SWT1: variants seen among roughly 807,000 people sequenced by gnomAD.
SWT1 encodes the protein SWT1 RNA endoribonuclease homolog.
SWT1 carries 33 observed loss-of-function variants against 107.3 expected under a neutral mutation model. The observed-to-expected ratio is 0.31, with a 90% confidence interval of 0.23 to 0.41. The LOEUF is 0.41. Ranked by LOEUF, SWT1 falls within the 10% of genes least tolerant of loss-of-function variation. SWT1 has a pLI of 1.00. For synonymous variants in SWT1, 345 were observed against 348.3 expected (o/e 0.99, Z 0.11); for missense variants, 898 against 1,028.9 (o/e 0.87, Z 1.74).
intron 16 of SWT1, among the ~76,000 whole-genome samples, chr1:185,250,076 C>T (rs957650761): frequency 6.6e-6 from 1 of 152,134 alleles, no homozygotes; most frequent in Non-Finnish European, 1.5e-5. Flanking sequence ...GATAAACCAC[C>T]CTCTCACCTT....
chr1:185,199,500 C>A (rs1018775268), intron 10 of SWT1, among the ~76,000 whole-genome samples: 2 of 152,080 alleles, frequency 1.3e-5, no homozygotes, highest in African/African-American at 4.8e-5. Flanking sequence ...TTTCTCCTTC[C>A]CTTATGAAGC....
At chr1:185,261,513 T>C (rs767427951) in intron 16 of SWT1, among the ~76,000 whole-genome samples, 1 of 152,152 alleles carries the variant, frequency 6.6e-6, no homozygotes, top group Non-Finnish European at 1.5e-5. Context: ...TTTAGGTGTA[T>C]AGCCAGAAGT....
Position 185,175,278 on chromosome 1 carries a change from A to G in SWT1, c.966+165A>G, listed in dbSNP as rs1170405222. 2.0e-5 allele frequency among the ~76,000 whole-genome samples: 3 copies of G among 149,162 alleles called. No homozygotes were observed. In the Admixed American group the frequency reaches 2.0e-4, roughly 10 times the overall value. ...CACTCCGTTGCCCAAGCTGGAGTGC[A>G]TGCAGTGGCACGATCCTGGCTCACT... On this transcript the variant is annotated intron_variant, in intron 5 of 18. Coordinates refer to ENST00000367500, the MANE Select transcript of SWT1 (RefSeq NM_017673.7).
chr1:185,219,661 T>C (rs6660169), intron 14 of SWT1, among the ~76,000 whole-genome samples: 67,214 of 151,836 alleles, frequency 0.44, 16,308 homozygotes, highest in African/African-American at 0.65. Flanking sequence ...TACATTCTGT[T>C]AGGTACTTTT....
rs1318039871 is a variant in SWT1, at chr1:185,174,985, A to C, written c.838A>C (p.Thr280Pro). The C allele has an allele frequency of 8.1e-6, 13 of 1,613,998 alleles. No individual in the cohort carries two copies. The highest frequency in any genetic ancestry group is 1.1e-5 in the Non-Finnish European group (13 of 1,179,992). The change falls in exon 5 of 19, where the codon ACT becomes CCT. Residue 280 changes from threonine to proline, a missense_variant. Transcript: ENST00000367500. ...AAGCTCCCAGGTTTCATTAAATGTG[A>C]CTAGGCAGAAAACTGAACATTTACT... Reference protein sequence around the residue: ...LESSQVSLNVTRQKTEHLLSD... With the variant: ...LESSQVSLNVPRQKTEHLLSD...
chr1:185,191,238 C>T (rs376871970), intron 10 of SWT1, among the ~76,000 whole-genome samples: 1 of 152,156 alleles, frequency 6.6e-6, no homozygotes, highest in Admixed American at 6.6e-5. Flanking sequence ...TTTTCTCCCT[C>T]CTTCTCCCTT....
intron 17 of SWT1, among the ~76,000 whole-genome samples, chr1:185,276,186 G>A (rs1664227058): frequency 6.6e-6 from 1 of 151,974 alleles, no homozygotes; most frequent in Non-Finnish European, 1.5e-5. Context: ...TTATATCTCT[G>A]ATATAGATAT....
intron 17 of SWT1, among the ~76,000 whole-genome samples, chr1:185,273,261 T>C (rs1194936620): frequency 6.6e-6 from 1 of 151,742 alleles, no homozygotes; most frequent in Non-Finnish European, 1.5e-5. Context: ...AAAAATTAGC[T>C]AGGAGTGGTG....
chr1:185,180,359 A>T (rs1488361504), intron 5 of SWT1, 32 bp from the exon 6 acceptor site: 3 of 1,571,900 alleles, frequency 1.9e-6, no homozygotes, highest in East Asian at 4.5e-5. Context: ...GTTATGCTTT[A>T]TTCTTAGCTA....
intron 16 of SWT1, among the ~76,000 whole-genome samples, chr1:185,257,225 T>C (rs956935223): frequency 2.0e-5 from 3 of 152,114 alleles, no homozygotes; most frequent in Admixed American, 2.0e-4. Context: ...AGGTTACTGC[T>C]GTCTTTTTGT....
intron 16 of SWT1, among the ~76,000 whole-genome samples, chr1:185,235,047 T>C (rs1336587410): frequency 6.6e-6 from 1 of 152,032 alleles, no homozygotes; most frequent in Non-Finnish European, 1.5e-5. Flanking sequence ...CAGTAACAAG[T>C]TCTGAAATTG....
chr1:185,180,403 C>T lies in SWT1; in HGVS notation c.979C>T (p.Pro327Ser), dbSNP rs761248675. ...RENLTQSFEAPCCSVSSESIQ... is the reference protein window; with the variant it reads ...RENLTQSFEASCCSVSSESIQ... ...ACTTTCATTTCAGAGTTTTGAAGCA[C>T]CATGTTGTTCCGTGTCATCTGAAAG... Residue 327 changes from proline to serine, a missense_variant, in exon 6 of 19, where the codon CCA (proline) becomes TCA (serine). Transcript: ENST00000367500. 1.2e-6 allele frequency: 2 copies of T among 1,612,992 alleles called. No homozygotes were observed. Among genetic ancestry groups the T allele is most frequent in the South Asian group, 2.2e-5 (2 of 91,058 alleles).
chr1:185,163,145 A>G (rs531843512), intron 2 of SWT1, among the ~76,000 whole-genome samples: 4 of 152,150 alleles, frequency 2.6e-5, no homozygotes, highest in Non-Finnish European at 2.9e-5. Flanking sequence ...TAAGACAGCA[A>G]TGAAGTTTGC....
At chr1:185,259,767 A>G (rs977197484) in intron 16 of SWT1, among the ~76,000 whole-genome samples, 7 of 152,122 alleles carry the variant, frequency 4.6e-5, no homozygotes, top group Admixed American at 3.9e-4. Context: ...GAATCCCTTT[A>G]TCTGTTTAGA....
At chr1:185,226,983 A>G in intron 15 of SWT1, 1 of 867,614 alleles carries the variant, frequency 1.2e-6, no homozygotes, top group Non-Finnish European at 1.9e-6. Flanking sequence ...TTTCTTACAC[A>G]TCTCCTCCAT....
chr1:185,157,070 T>G (rs1355501856), upstream of SWT1: 4 of 264,932 alleles, frequency 1.5e-5, no homozygotes, highest in Non-Finnish European at 2.9e-5. Flanking sequence ...GAACAAAGAC[T>G]ACAGCACCCA....
Position 185,284,421 on chromosome 1 carries a change from G to A in SWT1, c.2574-6253G>A, listed in dbSNP as rs1282866603. ...GGCTTTATCTGACAAACTCAATGGCGGAAGCTGCTTTCCCCATACCTAAGG... is the reference window on the plus strand; with the variant it reads ...GGCTTTATCTGACAAACTCAATGGCAGAAGCTGCTTTCCCCATACCTAAGG... On this transcript the variant is annotated intron_variant, in intron 18 of 18. Transcript: ENST00000367500. Among the ~76,000 whole-genome samples the A allele has an allele frequency of 2.6e-5, 4 of 152,302 alleles. No individual in the cohort carries two copies. The South Asian group carries it at 6.2e-4, about 24-fold the overall frequency.
chr1:185,225,444 T>C (rs1659975758), intron 15 of SWT1, among the ~76,000 whole-genome samples: 2 of 152,196 alleles, frequency 1.3e-5, no homozygotes, highest in South Asian at 4.1e-4. Flanking sequence ...TTGCAAGTAT[T>C]CCTGCTTCTT....
At chr1:185,255,726 CTT>C (rs1042077770) in intron 16 of SWT1, among the ~76,000 whole-genome samples, 6 of 145,798 alleles carry the variant, frequency 4.1e-5, no homozygotes, top group Admixed American at 3.4e-4. Flanking sequence ...GGTCTTGACT[CTT>C]TATCCAATTT....
Sources: gnomAD v4.1 joint callset for allele counts (sites outside exome capture counted in the v4.1 genomes callset) on GRCh38, gnomAD v4.1.1 for gene constraint, MANE v1.5 for transcripts, NCBI Gene and HGNC (gene_info 2026-07-23, HGNC 2026-07-21) for gene names.